Variants in GPR161 observed in about 807,000 individuals in gnomAD.
GPR161 encodes the protein G protein-coupled receptor 161.
In GPR161, 25 loss-of-function variants were observed where a neutral mutation model predicts 39.2. The ratio of observed to expected loss-of-function variants is 0.64; its 90% CI spans 0.47 to 0.89. The LOEUF (loss-of-function observed/expected upper bound fraction) is 0.89, where lower values mean the gene tolerates loss of function less well. GPR161 is among the 40% of genes least tolerant of loss of function. The probability of loss-of-function intolerance (pLI) is 0.00; values close to 1 mark genes in which losing one functional copy is unlikely to be tolerated. For synonymous variants in GPR161, 286 were observed against 276.6 expected (o/e 1.03, Z -0.34); for missense variants, 547 against 677.8 (o/e 0.81, Z 2.14).
intron 1 of GPR161, chr1:168,136,492 A>AG (rs1352220706): frequency 7.9e-7 from 1 of 1,260,594 alleles, no homozygotes; most frequent in African/African-American, 1.6e-5. Flanking sequence ...CCCAGGCCGC[A>AG]GGGGAGGGGC....
At chr1:168,120,920 G>A (rs1228129078) in intron 1 of GPR161, among the ~76,000 whole-genome samples, 1 of 152,000 alleles carries the variant, frequency 6.6e-6, no homozygotes, top group Admixed American at 6.6e-5. Flanking sequence ...CCAGTCTCAG[G>A]TATTTCTTTA....
In GPR161 at chr1:168,085,458, C is replaced by T. The variant is rs1390958602; in HGVS notation, c.*73G>A. 7 of 1,434,488 alleles carry T rather than the reference C, an allele frequency of 4.9e-6. No individual in the cohort carries two copies. The highest frequency in any genetic ancestry group is 5.8e-6 in the Non-Finnish European group (6 of 1,042,676). The allele number at this position is 1,434,488 out of a possible 1,614,324, so 88.9% of individuals were successfully genotyped here. ...ACACAGTGACATGCTCCCAAGGCCG[C>T]GGCACAGGCGGTGATGGGAACTCCT... On this transcript the variant is annotated 3_prime_UTR_variant, in exon 6 of 6. Transcript: ENST00000682931.
chr1:168,098,451 G>A lies in GPR161; in HGVS notation c.375-1219C>T, dbSNP rs891132914. Among the ~76,000 whole-genome samples, 2 of 152,238 alleles carry A rather than the reference G, an allele frequency of 1.3e-5. No homozygotes were observed. Among genetic ancestry groups the A allele is most frequent in the African/African-American group, 4.8e-5 (2 of 41,472 alleles). Reference sequence around the variant, plus strand: ...CAAGGGAAATAGGATGTTCCCATGAGGGCAACATGTGTAAGGGACGGGTGG... The same window carrying A: ...CAAGGGAAATAGGATGTTCCCATGAAGGCAACATGTGTAAGGGACGGGTGG... On this transcript the variant is annotated intron_variant, in intron 2 of 5. Transcript: ENST00000682931. This position sits in a 1 kb window ranked among gnomAD's most constrained non-coding sequence, Gnocchi z 4.1.
intron 1 of GPR161, among the ~76,000 whole-genome samples, chr1:168,113,741 C>T (rs1307076547): frequency 6.6e-6 from 1 of 152,066 alleles, no homozygotes; most frequent in African/African-American, 2.4e-5. Context: ...AAACAGAAAA[C>T]CAAATATCAC....
chr1:168,097,108 A>G lies in GPR161; in HGVS notation c.499T>C (p.Ser167Pro). 6.2e-7 allele frequency: 1 copy of G among 1,614,040 alleles called. No individual in the cohort carries two copies. Among genetic ancestry groups the G allele is most frequent in the Non-Finnish European group, 8.5e-7 (1 of 1,180,034 alleles). Residue 167 changes from serine (S) to proline (P), a missense_variant, in exon 3 of 6, where the codon TCA becomes CCA. Coordinates refer to ENST00000682931, the MANE Select transcript of GPR161 (RefSeq NM_001375883.1). ...IGCLPPLFGWSSVEFDEFKWM... is the reference protein window; with the variant it reads ...IGCLPPLFGWPSVEFDEFKWM... ...TTGAACTCGTCAAACTCCACGGATGACCAACCAAACAGGGGTGGCAGGCAG... is the reference window on the plus strand; with the variant it reads ...TTGAACTCGTCAAACTCCACGGATGGCCAACCAAACAGGGGTGGCAGGCAG...
rs1233813918 is a variant in GPR161, at chr1:168,090,662, C to T, written c.1106G>A (p.Gly369Asp). Reference sequence around the variant, plus strand: ...GAGCGCAGTGAGGTGTGGGGACAGGCCCAGGTCTGAAAGACAAAATTGGCA... The same window carrying T: ...GAGCGCAGTGAGGTGTGGGGACAGGTCCAGGTCTGAAAGACAAAATTGGCA... ...FSISNRITDL[G>D]LSPHLTALMA... Residue 369 changes from glycine (G) to aspartate (D), a missense_variant, in exon 4 of 6, where the codon GGC becomes GAC. Transcript: ENST00000682931. 2 of 1,599,844 alleles carry T rather than the reference C, an allele frequency of 1.3e-6. No individual in the cohort carries two copies. The highest frequency in any genetic ancestry group is 3.4e-5 in the Admixed American group (2 of 58,460).
rs1156482503 is a variant in GPR161, at chr1:168,136,687, G to C, written c.-45+52C>G. ...CAATGAGTTTAGCCTGGCTCCATCC[G>C]GACCGCCCTCTCCGCCCGGGCCCGC... is the stretch of plus-strand genomic sequence containing the variant. On this transcript the variant is annotated intron_variant, in intron 1 of 5. Coordinates refer to ENST00000682931, the MANE Select transcript of GPR161 (RefSeq NM_001375883.1). 2.2e-5 allele frequency: 24 copies of C among 1,113,336 alleles called. No individual in the cohort carries two copies. The African/African-American group carries it at 3.6e-4, about 17-fold the overall frequency. 69.0% of individuals were successfully genotyped at this position (1,113,336 alleles called of 1,614,324 possible). A position where few individuals can be genotyped will look rare whatever the true frequency, so the allele number is the denominator to read the frequency against.
intron 1 of GPR161, among the ~76,000 whole-genome samples, chr1:168,127,085 TA>T (rs1489478568): frequency 6.6e-6 from 1 of 152,134 alleles, no homozygotes; most frequent in African/African-American, 2.4e-5. Flanking sequence ...GTAATGAGGG[TA>T]AAAGTACGAG....
chr1:168,090,580 G>A lies in GPR161; in HGVS notation c.1188C>T (p.Ser396=). ...GCAGGTTACCTGAGTCCTGGGAGCAGCTGAAGCCAGTGTCCCCCGTGCTGC... is the reference window on the plus strand; with the variant it reads ...GCAGGTTACCTGAGTCCTGGGAGCAACTGAAGCCAGTGTCCCCCGTGCTGC... ...HSSSTGDTGF[S]CSQDSGTDMM... Residue 396 remains serine (S), a synonymous_variant, in exon 4 of 6, where the codon AGC becomes AGT. Coordinates refer to ENST00000682931, the MANE Select transcript of GPR161 (RefSeq NM_001375883.1). 3.1e-6 allele frequency: 5 copies of A among 1,603,142 alleles called. No homozygotes were observed. The highest frequency in any genetic ancestry group is 4.3e-6 in the Non-Finnish European group (5 of 1,170,118).
At chr1:168,099,199 T>G (rs938933459) in intron 2 of GPR161, among the ~76,000 whole-genome samples, 5 of 152,144 alleles carry the variant, frequency 3.3e-5, no homozygotes, top group Admixed American at 1.3e-4. Flanking sequence ...AGCCCCATGG[T>G]GGTCTTCTTC....
At chr1:168,087,507 A>G in intron 5 of GPR161, 78 bp downstream of exon 5, 1 of 1,541,524 alleles carries the variant, frequency 6.5e-7, no homozygotes, top group South Asian at 1.1e-5. Flanking sequence ...GATGGGAGCC[A>G]GCCTGAGCCA....
chr1:168,119,432 A>G (rs946059044), intron 1 of GPR161, among the ~76,000 whole-genome samples: 1 of 151,642 alleles, frequency 6.6e-6, no homozygotes, highest in Non-Finnish European at 1.5e-5. Flanking sequence ...TCATGATTCT[A>G]CTTACATGAG....
chr1:168,108,495 A>AAAAAAAAAAAAAAAAC (rs1696833925), intron 1 of GPR161, among the ~76,000 whole-genome samples: 2 of 140,454 alleles, frequency 1.4e-5, no homozygotes, highest in Non-Finnish European at 3.1e-5. Flanking sequence ...GTAAAAAAAA[A>AAAAAAAAAAAAAAAAC]AAAAAAAAAA....
At chr1:168,133,617 G>A (rs557189779) in intron 1 of GPR161, among the ~76,000 whole-genome samples, 3 of 152,122 alleles carry the variant, frequency 2.0e-5, no homozygotes, top group Non-Finnish European at 4.4e-5. Flanking sequence ...ATTATTATAT[G>A]ACCCGATTTA....
chr1:168,086,640 G>C lies in GPR161; in HGVS notation c.1325-844C>G, dbSNP rs115978411. On this transcript the variant is annotated intron_variant, in intron 5 of 5. Coordinates refer to ENST00000682931, the MANE Select transcript of GPR161 (RefSeq NM_001375883.1). ...GCTGCCACACTCACAAAGCAGGACT[G>C]ATGGGGCAAGTGTGGCCCTACGTGG... is the stretch of plus-strand genomic sequence containing the variant. 2.6e-3 allele frequency among the ~76,000 whole-genome samples: 391 copies of C among 152,348 alleles called. 4 individuals are homozygous for C. The highest frequency in any genetic ancestry group is 9.1e-3 in the African/African-American group (378 of 41,576).
chr1:168,131,701 A>C (rs116612899), intron 1 of GPR161, among the ~76,000 whole-genome samples: 2,021 of 152,312 alleles, frequency 0.013, 39 homozygotes, highest in African/African-American at 0.045. Flanking sequence ...ACTTGAAAAC[A>C]AAGAAAAGTG....
At chr1:168,120,909 C>A (rs1202334667) in intron 1 of GPR161, among the ~76,000 whole-genome samples, 2 of 152,168 alleles carry the variant, frequency 1.3e-5, no homozygotes, top group Non-Finnish European at 2.9e-5. Flanking sequence ...TTATAAATTA[C>A]CCAGTCTCAG....
At chr1:168,136,983 C>T (rs1699435554), upstream of GPR161, 2 of 910,910 alleles carry the variant, frequency 2.2e-6, no homozygotes, top group South Asian at 5.1e-5. Context: ...GGCCGGGCCC[C>T]TCCGGCCCCC....
chr1:168,117,521 C>T (rs983446556), intron 1 of GPR161, among the ~76,000 whole-genome samples: 2 of 152,238 alleles, frequency 1.3e-5, no homozygotes, highest in Non-Finnish European at 2.9e-5. Flanking sequence ...CATCAGTCTC[C>T]CCATCTGTAA....
Sources: allele counts gnomAD v4.1 joint callset (sites outside exome capture counted in the v4.1 genomes callset), GRCh38; gene constraint gnomAD v4.1.1; non-coding constraint Gnocchi (gnomAD v3.1); transcripts MANE v1.5; gene names NCBI Gene and HGNC (gene_info 2026-07-23, HGNC 2026-07-21).